Variants in PAPOLG observed in about 807,000 individuals in gnomAD.
The protein encoded by PAPOLG is poly(A) polymerase gamma.
PAPOLG carries 40 observed loss-of-function variants against 99.0 expected under a neutral mutation model. That is an observed-to-expected ratio of 0.40 (90% CI 0.31 to 0.53). PAPOLG has a LOEUF of 0.53. PAPOLG is among the 20% of genes least tolerant of loss of function. The pLI, the probability that PAPOLG is intolerant of heterozygous loss-of-function variation, is 0.41. For synonymous variants in PAPOLG, 310 were observed against 299.3 expected, an observed-to-expected ratio of 1.04 and a Z score of -0.37; for missense variants, 675 against 884.1, an observed-to-expected ratio of 0.76 and a Z score of 3.00.
chr2:60,787,482 A>T, intron 14 of PAPOLG, 29 bp from the exon 15 acceptor site: 1 of 1,580,442 alleles, frequency 6.3e-7, no homozygotes, highest in Non-Finnish European at 8.6e-7. Flanking sequence ...AATAATAATT[A>T]ATGGAAATTC....
chr2:60,795,037 G>GT lies in PAPOLG; in HGVS notation c.2112+19dup, dbSNP rs1467548776. 1 of 1,592,210 alleles carries GT rather than the reference G, an allele frequency of 6.3e-7. No homozygotes were observed. Among genetic ancestry groups the GT allele is most frequent in the Non-Finnish European group, 8.6e-7 (1 of 1,160,856 alleles). On this transcript the variant is annotated intron_variant, in intron 21 of 21. Coordinates refer to ENST00000238714, the MANE Select transcript of PAPOLG (RefSeq NM_022894.4). ...CGCAAAAAGGTAACAAGATAGTCTT[G>GT]TTCATAGGTACAGTACATAGGTAAA...
chr2:60,795,333 G>A, intron 21 of PAPOLG: 1 of 510,994 alleles, frequency 2.0e-6, no homozygotes, highest in Non-Finnish European at 3.8e-6. Context: ...CCAAGCACCT[G>A]GAGGTATATC....
intron 15 of PAPOLG, among the ~76,000 whole-genome samples, chr2:60,789,363 TAAA>T (rs910865078): frequency 2.7e-5 from 4 of 150,122 alleles, no homozygotes; most frequent in Admixed American, 6.6e-5. Context: ...AATAAATAAA[TAAA>T]AAATAAAAAA....
At chr2:60,770,409 T>C in intron 5 of PAPOLG, 49 bp from the exon 6 acceptor site, 1 of 1,492,288 alleles carries the variant, frequency 6.7e-7, no homozygotes, top group South Asian at 1.3e-5. Flanking sequence ...TTAGGAAGGA[T>C]AAAGAAGGGA....
intron 3 of PAPOLG, among the ~76,000 whole-genome samples, chr2:60,763,734 C>A (rs973262963): frequency 3.3e-5 from 5 of 151,248 alleles, no homozygotes; most frequent in Non-Finnish European, 5.9e-5. Flanking sequence ...AAACTCCTGA[C>A]CTCAGGTGAT....
chr2:60,782,792 G>GT, intron 12 of PAPOLG, 22 bp downstream of exon 12: 1 of 1,528,014 alleles, frequency 6.5e-7, no homozygotes, highest in South Asian at 1.3e-5. Flanking sequence ...TTTGTATTTT[G>GT]TATGTATGTG....
intron 10 of PAPOLG, 63 bp downstream of exon 10, chr2:60,780,842 C>A: frequency 7.7e-7 from 1 of 1,297,606 alleles, no homozygotes; most frequent in Non-Finnish European, 1.1e-6. Flanking sequence ...CACTAAATTA[C>A]AGTCTAGTTA....
intron 2 of PAPOLG, among the ~76,000 whole-genome samples, chr2:60,761,466 G>A (rs1271995454): frequency 2.0e-5 from 3 of 152,136 alleles, no homozygotes; most frequent in Admixed American, 6.5e-5. Context: ...CAGCCTCATT[G>A]AAGGCAATTT....
chr2:60,786,477 C>T (rs1023728211), intron 13 of PAPOLG, among the ~76,000 whole-genome samples: 3 of 151,928 alleles, frequency 2.0e-5, no homozygotes, highest in Admixed American at 1.3e-4. Context: ...GTGATCTGTG[C>T]ACCTCAGTCT....
chr2:60,756,615 C>G, intron 1 of PAPOLG, 120 bp downstream of exon 1: 9 of 1,134,404 alleles, frequency 7.9e-6, no homozygotes, highest in Non-Finnish European at 1.1e-5. Flanking sequence ...CCGGGATGGT[C>G]TCCTTCCCGG....
rs368367764 is a variant in PAPOLG at position 60,793,983 on chromosome 2, C to T, written c.1781C>T (p.Thr594Ile). 1 of 1,607,692 alleles carries T rather than the reference C, an allele frequency of 6.2e-7. No individual in the cohort carries two copies. The highest frequency in any genetic ancestry group is 1.3e-5 in the African/African-American group (1 of 74,746). ...TTTTCCTTTTCAGAAGTTGACTCTA[C>T]AGTAAAAACTGTATCACCCCCCACT... Reference protein sequence around the residue: ...IPVIGAKVDSTVKTVSPPTVC... With the variant: ...IPVIGAKVDSIVKTVSPPTVC... The change falls in exon 19 of 22, where the codon ACA (threonine) becomes ATA (isoleucine). Residue 594 changes from threonine (T) to isoleucine (I), a missense_variant. Around this residue, in one of 3 missense-constraint regions of PAPOLG, gnomAD observed 413 missense variants for 460.5 expected, o/e 0.90. Coordinates refer to ENST00000238714, the MANE Select transcript of PAPOLG (RefSeq NM_022894.4).
intron 7 of PAPOLG, among the ~76,000 whole-genome samples, chr2:60,771,887 C>G (rs541216581): frequency 3.0e-4 from 46 of 152,064 alleles, no homozygotes; most frequent in Admixed American, 2.6e-3. Flanking sequence ...TATGGAGGAC[C>G]CCAAAAAGCT....
intron 12 of PAPOLG, 184 bp from the exon 13 acceptor site, chr2:60,782,972 G>T (rs1483538684): frequency 2.0e-6 from 1 of 497,282 alleles, no homozygotes; most frequent in Non-Finnish European, 2.6e-6. Context: ...AAAGTGAATT[G>T]TTTTTTACTT....
chr2:60,760,315 A>G lies in PAPOLG; in HGVS notation c.179+20A>G. 1 of 1,585,860 alleles carries G rather than the reference A, an allele frequency of 6.3e-7. No homozygotes were observed. Among genetic ancestry groups the G allele is most frequent in the Non-Finnish European group, 8.6e-7 (1 of 1,156,524 alleles). ...CCACAGGTATGTCATTGAAAACCAT[A>G]AAATATTTGACAGTGCATTATTTAA... is the stretch of plus-strand genomic sequence containing the variant. On this transcript the variant is annotated intron_variant, in intron 2 of 21. Coordinates refer to ENST00000238714, the MANE Select transcript of PAPOLG (RefSeq NM_022894.4).
Position 60,775,018 on chromosome 2 carries a change from G to T in PAPOLG, c.605-16G>T. 2 of 1,611,904 alleles carry T rather than the reference G, an allele frequency of 1.2e-6. No homozygotes were observed. Among genetic ancestry groups the T allele is most frequent in the Non-Finnish European group, 1.7e-6 (2 of 1,179,402 alleles). ...ATTTGCTGCATAGTGAAAAATGAATGCTTTGTCTTTTTCAGGTTGTAGAGT... is the reference window on the plus strand; with the variant it reads ...ATTTGCTGCATAGTGAAAAATGAATTCTTTGTCTTTTTCAGGTTGTAGAGT... On this transcript the variant is annotated splice_polypyrimidine_tract_variant and intron_variant, in intron 7 of 21. Transcript: ENST00000238714.
At chr2:60,776,364 G>GCAT (rs1671018675) in intron 8 of PAPOLG, among the ~76,000 whole-genome samples, 1 of 151,100 alleles carries the variant, frequency 6.6e-6, no homozygotes, top group Non-Finnish European at 1.5e-5. Context: ...AGTAGAGTGA[G>GCAT]CATCATTCTT....
intron 6 of PAPOLG, among the ~76,000 whole-genome samples, chr2:60,771,205 CAA>C (rs1670842256): frequency 6.6e-6 from 1 of 152,126 alleles, no homozygotes; most frequent in Non-Finnish European, 1.5e-5. Flanking sequence ...AGTGAGGTTT[CAA>C]GAGGGAGTGA....
chr2:60,798,309 A>C lies in PAPOLG; in HGVS notation c.*1149A>C, dbSNP rs1671770552. On this transcript the variant is annotated 3_prime_UTR_variant, in exon 22 of 22. Transcript: ENST00000238714. ...TTCAATGCATTTCTTAATATTTTTT[A>C]AGTTTCATGAATGCATGCTCAGTTT... The C allele has an allele frequency of 1.3e-5, 2 of 152,668 alleles. No homozygotes were observed. The highest frequency in any genetic ancestry group is 2.9e-5 in the Non-Finnish European group (2 of 68,026). The allele number at this position is 152,668 out of a possible 1,614,324, so 9.5% of individuals were successfully genotyped here.
At chr2:60,781,234 G>A (rs1429906150) in intron 10 of PAPOLG, among the ~76,000 whole-genome samples, 1 of 152,078 alleles carries the variant, frequency 6.6e-6, no homozygotes, top group African/African-American at 2.4e-5. Context: ...GTGCACACCT[G>A]TAGTTCCAGC....
Sources: allele counts gnomAD v4.1 joint callset (sites outside exome capture counted in the v4.1 genomes callset), GRCh38; gene constraint gnomAD v4.1.1; regional missense constraint gnomAD v4.1.1; transcripts MANE v1.5; gene names NCBI Gene and HGNC (gene_info 2026-07-23, HGNC 2026-07-21).